ATP13A3: variants seen among roughly 807,000 people sequenced by gnomAD.
ATP13A3 encodes polyamine-transporting ATPase 13A3.
ATP13A3 carries 59 observed loss-of-function variants against 158.1 expected under a neutral mutation model. That is an observed-to-expected ratio of 0.37 (90% CI 0.30 to 0.46). ATP13A3 has a LOEUF of 0.46. Ranked by LOEUF, ATP13A3 falls within the 20% of genes least tolerant of loss-of-function variation. ATP13A3 has a pLI of 1.00. For missense variants in ATP13A3, 1,166 were observed against 1,525.2 expected, an observed-to-expected ratio of 0.76 and a Z score of 3.92; for synonymous variants, 491 against 504.3, an observed-to-expected ratio of 0.97 and a Z score of 0.35.
intron 2 of ATP13A3, among the ~76,000 whole-genome samples, chr3:194,484,571 T>C (rs1472508533): frequency 6.1e-5 from 7 of 114,590 alleles, no homozygotes; most frequent in African/African-American, 3.3e-4. Flanking sequence ...TGGAACTTTA[T>C]CTTTATTCTG....
chr3:194,421,159 A>ATATATATAC (rs1553796407), intron 30 of ATP13A3, among the ~76,000 whole-genome samples: 1 of 49,372 alleles, frequency 2.0e-5, no homozygotes, highest in Admixed American at 2.9e-4. Flanking sequence ...ATATATATAT[A>ATATATATAC]TATATATATA....
intron 20 of ATP13A3, among the ~76,000 whole-genome samples, chr3:194,435,745 T>A (rs1358517028): frequency 6.6e-6 from 1 of 151,950 alleles, no homozygotes; most frequent in Non-Finnish European, 1.5e-5. Flanking sequence ...TGTCTCTACC[T>A]AAAATACAAA....
chr3:194,425,002 G>A (rs1716656068), intron 30 of ATP13A3, among the ~76,000 whole-genome samples: 1 of 151,992 alleles, frequency 6.6e-6, no homozygotes, highest in African/African-American at 2.4e-5. Context: ...AGGAACCTCC[G>A]TCTCCGCCCC....
chr3:194,420,926 C>T (rs531081736), intron 30 of ATP13A3, among the ~76,000 whole-genome samples: 11 of 150,436 alleles, frequency 7.3e-5, no homozygotes, highest in African/African-American at 2.7e-4. Context: ...CATGAAGCCT[C>T]CAGACTGGGT....
intron 31 of ATP13A3, among the ~76,000 whole-genome samples, chr3:194,415,658 A>ATTTTTTTTTTT: frequency 8.1e-6 from 1 of 122,944 alleles, no homozygotes; most frequent in Non-Finnish European, 1.6e-5. Context: ...ACAATACCAC[A>ATTTTTTTTTTT]TTCTTTTTTT....
At chr3:194,454,669 A>C (rs1719084236) in intron 8 of ATP13A3, among the ~76,000 whole-genome samples, 1 of 152,162 alleles carries the variant, frequency 6.6e-6, no homozygotes, top group Non-Finnish European at 1.5e-5. Flanking sequence ...CTACTAAAAA[A>C]TACAAAAAAG....
chr3:194,494,034 G>T lies in ATP13A3; in HGVS notation n.746+16C>A, dbSNP rs1721177269. The T allele has an allele frequency of 5.0e-6, 2 of 397,310 alleles. No homozygotes were observed. The highest frequency in any genetic ancestry group is 8.9e-6 in the Non-Finnish European group (2 of 225,750). The allele number at this position is 397,310 out of a possible 1,614,324, so 24.6% of individuals were successfully genotyped here. The stretch of plus-strand genomic sequence containing the variant: ...CCCATTTTACAGAATGGAAAAAGAG[G>T]TGTTCAATAACTCACCCGAAAGCAC... On this transcript the variant is annotated intron_variant and non_coding_transcript_variant, in intron 2 of 32. Transcript: ENST00000687055. This position sits in a 1 kb window ranked among gnomAD's most constrained non-coding sequence, Gnocchi z 4.2.
At position 194,441,430 on chromosome 3, in the gene ATP13A3, C is replaced by G; in HGVS notation, c.1591G>C (p.Glu531Gln). Reference sequence around the variant, plus strand: ...ACAAACTGGGATTTTACCAACATCTCATTGCACACATTTTCTTCTGGTGAA... The same window carrying G: ...ACAAACTGGGATTTTACCAACATCTGATTGCACACATTTTCTTCTGGTGAA... ...FLSPEENVCN[E>Q]MLVKSQFVAC... is the part of the protein sequence containing the mutation. The change falls in exon 16 of 34, where the codon GAG becomes CAG. Residue 531 changes from glutamate to glutamine, a missense_variant. Glu to Gln is a conservative substitution (Grantham distance 29, BLOSUM62 2). Coordinates refer to ENST00000645319, the MANE Select transcript of ATP13A3 (RefSeq NM_001367549.1). 1 of 1,613,476 alleles carries G rather than the reference C, an allele frequency of 6.2e-7. No individual in the cohort carries two copies. The highest frequency in any genetic ancestry group is 2.2e-5 in the East Asian group (1 of 44,848).
Position 194,405,914 on chromosome 3 carries a change from C to G in ATP13A3, c.*5G>C, listed in dbSNP as rs1450547406. ...ATCAGCAATACCACTGAGACTGATT[C>G]ACTGCTATGTTATGGTGATGATTTG... On this transcript the variant is annotated 3_prime_UTR_variant, in exon 34 of 34. Coordinates refer to ENST00000645319, the MANE Select transcript of ATP13A3 (RefSeq NM_001367549.1). The G allele has an allele frequency of 1.9e-6, 3 of 1,613,430 alleles. No homozygotes were observed. Among genetic ancestry groups the G allele is most frequent in the Admixed American group, 1.7e-5 (1 of 60,012 alleles).
upstream of ATP13A3, among the ~76,000 whole-genome samples, chr3:194,490,213 A>G (rs564569576): frequency 3.3e-5 from 5 of 152,232 alleles, no homozygotes; most frequent in South Asian, 8.3e-4. The surrounding 1 kb of genome is among the most constrained non-coding windows in gnomAD (Gnocchi z 4.4). Flanking sequence ...CCCACCCGCA[A>G]ATCTGCGCAT....
chr3:194,424,200 A>G (rs901898759), intron 30 of ATP13A3, among the ~76,000 whole-genome samples: 1 of 151,754 alleles, frequency 6.6e-6, no homozygotes, highest in African/African-American at 2.4e-5. Context: ...ACAGCAATAC[A>G]CAACTAATAA....
Position 194,448,723 on chromosome 3 carries a change from A to AAC in ATP13A3, c.971-88_971-87insGT. The stretch of plus-strand genomic sequence containing the variant: ...TCAGTATCGAACACCAAAAAATATT[A>AAC]AATTGTTAAATATTTTAAATGCTAC... On this transcript the variant is annotated intron_variant, in intron 11 of 33. Coordinates refer to ENST00000645319, the MANE Select transcript of ATP13A3 (RefSeq NM_001367549.1). The surrounding 1 kb of genome is among the most constrained non-coding windows in gnomAD (Gnocchi z 4.0). The AAC allele has an allele frequency of 8.0e-7, 1 of 1,242,312 alleles. No individual in the cohort carries two copies. The highest frequency in any genetic ancestry group is 1.1e-6 in the Non-Finnish European group (1 of 901,390). The allele number at this position is 1,242,312 out of a possible 1,614,324, so 77.0% of individuals were successfully genotyped here.
intron 10 of ATP13A3, chr3:194,452,789 C>T (rs1367560898): frequency 1.3e-5 from 2 of 152,164 alleles, no homozygotes; most frequent in South Asian, 2.1e-4. Flanking sequence ...TCAAAGAAGT[C>T]ATCCCTGATA....
intron 33 of ATP13A3, among the ~76,000 whole-genome samples, chr3:194,409,992 T>TA (rs1162118439): frequency 1.3e-5 from 2 of 151,800 alleles, no homozygotes; most frequent in Non-Finnish European, 2.9e-5. Context: ...TTTAAGTCTT[T>TA]AAAAAATGCA....
rs2108682237 is a variant in ATP13A3, at chr3:194,404,381, G to A, written c.*1538C>T. 4.9e-6 allele frequency: 1 copy of A among 203,054 alleles called. No homozygotes were observed. Among genetic ancestry groups the A allele is most frequent in the African/African-American group, 2.4e-5 (1 of 41,964 alleles). 12.6% of individuals were successfully genotyped at this position (203,054 alleles called of 1,614,324 possible). A position where few individuals can be genotyped will look rare whatever the true frequency, so the allele number is the denominator to read the frequency against. On this transcript the variant is annotated 3_prime_UTR_variant, in exon 34 of 34. Coordinates refer to ENST00000645319, the MANE Select transcript of ATP13A3 (RefSeq NM_001367549.1). ...CATCCAGGTCTTTGCAGCATAAAGA[G>A]TGAGAACCATTTGGTCCTAAAATTC...
intron 15 of ATP13A3, among the ~76,000 whole-genome samples, chr3:194,442,158 AC>A (rs1252010578): frequency 6.6e-6 from 1 of 152,228 alleles, no homozygotes; most frequent in Admixed American, 6.5e-5. Flanking sequence ...GTTGATTACC[AC>A]TGGGGCTCTT....
At chr3:194,432,026 CT>C in intron 21 of ATP13A3, 134 bp from the exon 22 acceptor site, 1 of 707,554 alleles carries the variant, frequency 1.4e-6, no homozygotes, top group Non-Finnish European at 2.0e-6. Context: ...GGTTCTTCCA[CT>C]TACAGTTTAA....
chr3:194,458,478 C>T (rs116645584), intron 6 of ATP13A3, among the ~76,000 whole-genome samples: 10,043 of 152,164 alleles, frequency 0.066, 911 homozygotes, highest in African/African-American at 0.2. Context: ...AACCTCCGGC[C>T]CCCTGGGTTT....
At chr3:194,490,175 C>T (rs144018240), upstream of ATP13A3, among the ~76,000 whole-genome samples, 757 of 152,316 alleles carry the variant, frequency 5.0e-3, 4 homozygotes, top group Non-Finnish European at 8.0e-3. This position sits in a 1 kb window ranked among gnomAD's most constrained non-coding sequence, Gnocchi z 4.4. Flanking sequence ...AGAAAACATA[C>T]ACCATCAAGA....
Sources: gnomAD v4.1 joint callset for allele counts (sites outside exome capture counted in the v4.1 genomes callset) on GRCh38, gnomAD v4.1.1 for gene constraint, Gnocchi (gnomAD v3.1) non-coding constraint, MANE v1.5 for transcripts, NCBI Gene and HGNC (gene_info 2026-07-23, HGNC 2026-07-21) for gene names.